Variants in FOXP2 observed in about 807,000 individuals in gnomAD.
FOXP2 encodes the protein forkhead box protein P2.
In FOXP2, 12 loss-of-function variants were observed where a neutral mutation model predicts 115.8. That is an observed-to-expected ratio of 0.10 (90% CI 0.07 to 0.17). The LOEUF (loss-of-function observed/expected upper bound fraction) is 0.17. Among genes scored for constraint, FOXP2 ranks in the 10% least tolerant of loss-of-function variants. The pLI is 1.00. For missense variants in FOXP2, 629 were observed against 843.5 expected (o/e 0.75, Z 3.15); for synonymous variants, 328 against 297.7 (o/e 1.10, Z -1.05).
intron 3 of FOXP2, among the ~76,000 whole-genome samples, chr7:114,612,724 T>C (rs1243198638): frequency 1.3e-5 from 2 of 152,212 alleles, no homozygotes; most frequent in Non-Finnish European, 2.9e-5. Flanking sequence ...GTTTTGTTAG[T>C]TGTATAGGAT....
intron 2 of FOXP2, among the ~76,000 whole-genome samples, chr7:114,445,025 G>A (rs1302547517): frequency 6.6e-6 from 1 of 151,196 alleles, no homozygotes; most frequent in African/African-American, 2.4e-5. Flanking sequence ...GGAAAATAAA[G>A]TTTCCATTTT....
upstream of FOXP2, among the ~76,000 whole-genome samples, chr7:114,161,258 C>A (rs1464036580): frequency 2.0e-5 from 3 of 152,234 alleles, no homozygotes; most frequent in East Asian, 5.8e-4. Context: ...CTACTCTAAT[C>A]CTAAAATCTA....
At chr7:114,295,758 A>G (rs1158145608) in intron 2 of FOXP2, among the ~76,000 whole-genome samples, 1 of 152,212 alleles carries the variant, frequency 6.6e-6, no homozygotes, top group African/African-American at 2.4e-5. Context: ...TAAGCAATGC[A>G]TGTGAGAGCC....
At chr7:114,431,568 C>A (rs1231323674) in intron 2 of FOXP2, among the ~76,000 whole-genome samples, 1 of 151,838 alleles carries the variant, frequency 6.6e-6, no homozygotes, top group Non-Finnish European at 1.5e-5. Flanking sequence ...GTTAAGTTCA[C>A]ATTATTTTAT....
At chr7:114,494,256 T>C (rs1050181819) in intron 2 of FOXP2, among the ~76,000 whole-genome samples, 1 of 152,194 alleles carries the variant, frequency 6.6e-6, no homozygotes, top group Non-Finnish European at 1.5e-5. Flanking sequence ...AGAAACTGCC[T>C]TGAAATTACT....
At chr7:114,276,314 T>G (rs1335468764) in intron 1 of FOXP2, among the ~76,000 whole-genome samples, 1 of 151,934 alleles carries the variant, frequency 6.6e-6, no homozygotes, top group Non-Finnish European at 1.5e-5. Context: ...TCTACCAACA[T>G]GCCTGGCTAA....
At chr7:114,251,781 T>C (rs982364477) in intron 1 of FOXP2, among the ~76,000 whole-genome samples, 1 of 152,218 alleles carries the variant, frequency 6.6e-6, no homozygotes, top group Non-Finnish European at 1.5e-5. Flanking sequence ...ATATCCTTTC[T>C]TTCTTTCTCC....
At chr7:114,641,728 G>A (rs2129332460) in intron 6 of FOXP2, among the ~76,000 whole-genome samples, 1 of 151,714 alleles carries the variant, frequency 6.6e-6, no homozygotes, top group Non-Finnish European at 1.5e-5. Flanking sequence ...CTTAATACTA[G>A]CAATAGGTAA....
chr7:114,435,917 T>C (rs757346475), intron 2 of FOXP2, among the ~76,000 whole-genome samples: 3 of 152,172 alleles, frequency 2.0e-5, no homozygotes, highest in Non-Finnish European at 4.4e-5. Flanking sequence ...ATGGCAGATT[T>C]ATATTTTTGA....
Position 114,671,493 on chromosome 7 carries a change from G to T in FOXP2, c.2003+7057G>T, listed in dbSNP as rs1807481976. On this transcript the variant is annotated intron_variant, in intron 16 of 16. Coordinates refer to ENST00000350908, the MANE Select transcript of FOXP2 (RefSeq NM_014491.4). ...TGTGTCAGAAAACTTTTAGCTGACA[G>T]TATTGTAGCTTACTGCTTCTGTTTT... Among the ~76,000 whole-genome samples the T allele has an allele frequency of 2.6e-5, 4 of 152,168 alleles. No individual in the cohort carries two copies. The South Asian group carries it at 8.3e-4, about 31-fold the overall frequency.
intron 1 of FOXP2, among the ~76,000 whole-genome samples, chr7:114,282,775 G>C (rs1796372623): frequency 6.6e-6 from 1 of 152,070 alleles, no homozygotes; most frequent in Non-Finnish European, 1.5e-5. Context: ...CAGTTTTACA[G>C]CATTTAGCCT....
intron 2 of FOXP2, among the ~76,000 whole-genome samples, chr7:114,428,474 A>G (rs1793968401): frequency 6.6e-6 from 1 of 151,568 alleles, no homozygotes; most frequent in Non-Finnish European, 1.5e-5. Flanking sequence ...CAGATGACTG[A>G]GAAACTTCAG....
At chr7:114,435,577 G>T (rs1241610770) in intron 2 of FOXP2, among the ~76,000 whole-genome samples, 2 of 152,228 alleles carry the variant, frequency 1.3e-5, no homozygotes, top group African/African-American at 4.8e-5. Flanking sequence ...TGCTCTTGTT[G>T]CCCAAGTTGG....
chr7:114,142,681 G>A lies in FOXP2; in HGVS notation c.-246-20263G>A, dbSNP rs545649526. Among the ~76,000 whole-genome samples, 7 of 152,182 alleles carry A rather than the reference G, an allele frequency of 4.6e-5. No homozygotes were observed. The South Asian group carries it at 1.5e-3, about 32-fold the overall frequency. ...ACTCAAGGCACTCTGCCTATTTTCT[G>A]GCATATGGTCAGTGCTCAGCAAATG... is the stretch of plus-strand genomic sequence containing the variant. On this transcript the variant is annotated intron_variant, in intron 1 of 19. Transcript: ENST00000635638.
chr7:114,401,598 T>C (rs1355207466), intron 2 of FOXP2, among the ~76,000 whole-genome samples: 2 of 152,192 alleles, frequency 1.3e-5, no homozygotes, highest in African/African-American at 2.4e-5. Flanking sequence ...GTCTTTCAGT[T>C]TGGCGATTTA....
intron 2 of FOXP2, among the ~76,000 whole-genome samples, chr7:114,313,372 G>A (rs1164421202): frequency 6.6e-6 from 1 of 152,156 alleles, no homozygotes; most frequent in Non-Finnish European, 1.5e-5. Context: ...CTCTAAAATG[G>A]AGAATTTTTG....
intron 2 of FOXP2, among the ~76,000 whole-genome samples, chr7:114,320,150 A>G (rs1797382588): frequency 6.6e-6 from 1 of 152,158 alleles, no homozygotes; most frequent in African/African-American, 2.4e-5. Flanking sequence ...CTTTATTTTC[A>G]GTTAGGTCAC....
intron 3 of FOXP2, among the ~76,000 whole-genome samples, chr7:114,586,097 T>C (rs1192304252): frequency 6.6e-6 from 1 of 152,098 alleles, no homozygotes; most frequent in Non-Finnish European, 1.5e-5. Context: ...ATAATTCCAG[T>C]AATATAAGAT....
In FOXP2 at chr7:114,643,478, G is replaced by C. The variant is rs372712000; in HGVS notation, c.989+855G>C. On this transcript the variant is annotated intron_variant, in intron 7 of 16. Coordinates refer to ENST00000350908, the MANE Select transcript of FOXP2 (RefSeq NM_014491.4). ...TAAATATATAAAGATAAATATGTTG[G>C]TAATTTTATGATTAAATTCAACTAA... Among the ~76,000 whole-genome samples, 8 of 152,034 alleles carry C rather than the reference G, an allele frequency of 5.3e-5. No individual in the cohort carries two copies. In the East Asian group the frequency reaches 1.5e-3, roughly 29 times the overall value.
Sources: gnomAD v4.1 joint callset for allele counts (sites outside exome capture counted in the v4.1 genomes callset) on GRCh38, gnomAD v4.1.1 for gene constraint, MANE v1.5 for transcripts, NCBI Gene and HGNC (gene_info 2026-07-23, HGNC 2026-07-21) for gene names.